Variants in NCOR2 observed in about 807,000 individuals in gnomAD.
NCOR2 encodes CTG repeat protein 26.
Under a neutral mutation model 262.9 loss-of-function variants are expected in NCOR2, and 81 were observed. That is an observed-to-expected ratio of 0.31 (90% confidence interval 0.26 to 0.37). NCOR2 has a LOEUF of 0.37. Ranked by LOEUF, NCOR2 falls within the 10% of genes least tolerant of loss-of-function variation. NCOR2 has a pLI of 1.00. For synonymous variants in NCOR2, 1,659 were observed against 1,559.3 expected (o/e 1.06, Z -1.51); for missense variants, 3,385 against 3,621.4 (o/e 0.93, Z 1.68).
chr12:124,381,901 T>C (rs1436613550), intron 17 of NCOR2, among the ~76,000 whole-genome samples: 2 of 152,288 alleles, frequency 1.3e-5, no homozygotes, highest in East Asian at 3.9e-4. Context: ...TGATGCCAAG[T>C]GTTACATAAC....
upstream of NCOR2, among the ~76,000 whole-genome samples, chr12:124,536,617 C>T (rs539837995): frequency 6.6e-6 from 1 of 152,320 alleles, no homozygotes; most frequent in South Asian, 2.1e-4. Flanking sequence ...AAGACCACTG[C>T]TCACCCATAG....
At chr12:124,501,062 G>GCGCACACACACA (rs1555232719) in intron 1 of NCOR2, among the ~76,000 whole-genome samples, 1 of 147,810 alleles carries the variant, frequency 6.8e-6, no homozygotes, top group South Asian at 2.1e-4. Flanking sequence ...GCGCACGCGC[G>GCGCACACACACA]CACACACACA....
chr12:124,462,823 G>A lies in NCOR2; in HGVS notation c.705+3350C>T, dbSNP rs76457551. Among the ~76,000 whole-genome samples the A allele has an allele frequency of 4.5e-3, 679 of 152,266 alleles. 21 individuals are homozygous for A. The East Asian group carries it at 0.077, about 17-fold the overall frequency. On this transcript the variant is annotated intron_variant, in intron 5 of 46. Coordinates refer to ENST00000405201, the Ensembl canonical transcript of NCOR2. ...ATTCTTCTTTGCCCTGCTCAGTCCC[G>A]ATCACACTGTGCACACACTGAGTCC...
At chr12:124,526,550 G>A (rs2050480304) in intron 1 of NCOR2, among the ~76,000 whole-genome samples, 1 of 152,154 alleles carries the variant, frequency 6.6e-6, no homozygotes, top group South Asian at 2.1e-4. Context: ...GACAGCGAAC[G>A]AGGACAAGAC....
chr12:124,455,562 A>G (rs1243883), intron 6 of NCOR2, among the ~76,000 whole-genome samples: 2 of 152,232 alleles, frequency 1.3e-5, no homozygotes, highest in Non-Finnish European at 2.9e-5. Flanking sequence ...GTGGCCTCAA[A>G]AGACGGACCC....
At chr12:124,390,321 CCT>C (rs2136142082) in intron 16 of NCOR2, among the ~76,000 whole-genome samples, 1 of 152,332 alleles carries the variant, frequency 6.6e-6, no homozygotes, top group South Asian at 2.1e-4. Context: ...ACCCGCCCAG[CCT>C]CTCTCTGGGT....
At chr12:124,445,720 T>C (rs2045125693) in intron 7 of NCOR2, among the ~76,000 whole-genome samples, 1 of 152,200 alleles carries the variant, frequency 6.6e-6, no homozygotes, top group South Asian at 2.1e-4. Flanking sequence ...TTTATTCTTA[T>C]CAGCCTCCCC....
At chr12:124,429,554 A>G in intron 10 of NCOR2, 59 bp downstream of exon 12, 1 of 1,525,160 alleles carries the variant, frequency 6.6e-7, no homozygotes, top group Non-Finnish European at 8.9e-7. Context: ...GGGCCTCTGC[A>G]CCCTCACGGG....
At chr12:124,405,808 G>C (rs1485239807) in intron 13 of NCOR2, among the ~76,000 whole-genome samples, 1 of 152,228 alleles carries the variant, frequency 6.6e-6, no homozygotes, top group Non-Finnish European at 1.5e-5. Context: ...TTTTAGGGCA[G>C]CAAGTGCAGC....
At chr12:124,399,761 G>A (rs2041894842) in intron 15 of NCOR2, among the ~76,000 whole-genome samples, 2 of 152,164 alleles carry the variant, frequency 1.3e-5, no homozygotes, top group African/African-American at 2.4e-5. Flanking sequence ...GTGGGTTCCC[G>A]CAGTGGCTGG....
chr12:124,382,224 C>T lies in NCOR2; in HGVS notation c.2019+3521G>A, dbSNP rs2040463385. Among the ~76,000 whole-genome samples the T allele has an allele frequency of 2.6e-5, 4 of 152,354 alleles. No individual in the cohort carries two copies. The South Asian group carries it at 8.3e-4, about 32-fold the overall frequency. On this transcript the variant is annotated intron_variant, in intron 17 of 46. Coordinates refer to ENST00000405201, the Ensembl canonical transcript of NCOR2. Reference sequence around the variant, plus strand: ...TCAGCGGCACCTCTCCTGGTGAGACCTGCTTGCTTACTGCAGCGATGGGGA... The same window carrying T: ...TCAGCGGCACCTCTCCTGGTGAGACTTGCTTGCTTACTGCAGCGATGGGGA...
intron 8 of NCOR2, 130 bp from the exon 11 acceptor site, chr12:124,430,917 C>CATATACAG: frequency 9.3e-7 from 1 of 1,079,156 alleles, no homozygotes; most frequent in South Asian, 1.6e-5. Context: ...CAGGCACACA[C>CATATACAG]ATATACAGTC....
intron 4 of NCOR2, among the ~76,000 whole-genome samples, chr12:124,469,977 G>A (rs2046745185): frequency 6.6e-6 from 1 of 152,066 alleles, no homozygotes; most frequent in African/African-American, 2.4e-5. Flanking sequence ...ACCAGCTTGG[G>A]CAACATGGTG....
intron 7 of NCOR2, among the ~76,000 whole-genome samples, chr12:124,439,217 A>G (rs1038011059): frequency 3.7e-4 from 44 of 118,364 alleles, no homozygotes; most frequent in Non-Finnish European, 7.8e-4. Flanking sequence ...AGAGGGAGAC[A>G]GAGACCCAGA....
chr12:124,340,986 C>T (rs1366246637), intron 34 of NCOR2, among the ~76,000 whole-genome samples: 3 of 152,236 alleles, frequency 2.0e-5, no homozygotes, highest in African/African-American at 7.2e-5. Context: ...GCATCTCCTG[C>T]AGCTGCCCTC....
chr12:124,554,835 AAGAC>A, intron 1 of NCOR2, among the ~76,000 whole-genome samples: 1 of 152,382 alleles, frequency 6.6e-6, no homozygotes. Context: ...GGGAGAAGCC[AAGAC>A]AGACAGGGTC....
exon 45 of NCOR2, chr12:124,327,460 T>C (rs2034780610): frequency 6.2e-7 from 1 of 1,613,042 alleles, no homozygotes; most frequent in Non-Finnish European, 8.5e-7. Context: ...GTTATGGGCA[T>C]AGCAGCGGGC....
At chr12:124,562,045 T>A (rs957617607) in intron 1 of NCOR2, 2 of 152,158 alleles carry the variant, frequency 1.3e-5, no homozygotes, top group African/African-American at 4.8e-5. Flanking sequence ...AGGTGGGGCA[T>A]TGGGGAAGGA....
chr12:124,332,620 G>A (rs1028717163), intron 42 of NCOR2, among the ~76,000 whole-genome samples, 153 bp from the exon 45 acceptor site: 7 of 152,152 alleles, frequency 4.6e-5, no homozygotes, highest in African/African-American at 1.7e-4. Flanking sequence ...GAAGATCACG[G>A]CTCCTGAAAT....
Sources: allele counts gnomAD v4.1 joint callset (sites outside exome capture counted in the v4.1 genomes callset), GRCh38; gene constraint gnomAD v4.1.1; transcripts MANE v1.5; gene names NCBI Gene and HGNC (gene_info 2026-07-23, HGNC 2026-07-21).